Variants in AUTS2 observed in about 807,000 individuals in gnomAD.
The protein encoded by AUTS2 is activator of transcription and developmental regulator AUTS2, also known as autism susceptibility gene 2 protein.
AUTS2 carries 17 observed loss-of-function variants against 112.4 expected under a neutral mutation model. The ratio of observed to expected loss-of-function variants is 0.15; its 90% CI spans 0.10 to 0.23. The LOEUF (loss-of-function observed/expected upper bound fraction) is 0.23. Ranked by LOEUF, AUTS2 falls within the 10% of genes least tolerant of loss-of-function variation. The pLI is 1.00. For synonymous variants in AUTS2, 751 were observed against 702.7 expected (o/e 1.07, Z -1.09); for missense variants, 1,510 against 1,701.6 (o/e 0.89, Z 1.98).
In AUTS2 at chr7:70,049,552, A is replaced by G. The variant is rs1420453246; in HGVS notation, c.523-68580A>G. 2.0e-5 allele frequency among the ~76,000 whole-genome samples: 3 copies of G among 151,614 alleles called. No individual in the cohort carries two copies. In the East Asian group the frequency reaches 5.8e-4, roughly 29 times the overall value. On this transcript the variant is annotated intron_variant, in intron 2 of 18. Coordinates refer to ENST00000342771, the MANE Select transcript of AUTS2 (RefSeq NM_015570.4). ...ACTATGTTGGTCAGGCTGGTCTCAA[A>G]CTCCTGACCTGAAGTGATCCTCTTG...
At chr7:69,974,048 G>A (rs1055873268) in intron 2 of AUTS2, among the ~76,000 whole-genome samples, 16 of 151,870 alleles carry the variant, frequency 1.1e-4, no homozygotes, top group African/African-American at 3.6e-4. Flanking sequence ...AAACCCATCT[G>A]GGTCTGGAAA....
intron 5 of AUTS2, chr7:70,695,173 C>G (rs931411456): frequency 2.6e-5 from 4 of 152,452 alleles, no homozygotes. Flanking sequence ...GGGCTTCTCC[C>G]GTCTGGCGCG....
intron 5 of AUTS2, among the ~76,000 whole-genome samples, chr7:70,552,133 TA>T (rs1801040739): frequency 6.6e-6 from 1 of 152,160 alleles, no homozygotes; most frequent in South Asian, 2.1e-4. Context: ...CGTGTGTGTT[TA>T]AACAAGAGAA....
chr7:70,042,236 C>G (rs1801280693), intron 2 of AUTS2, among the ~76,000 whole-genome samples: 2 of 119,148 alleles, frequency 1.7e-5, no homozygotes, highest in Non-Finnish European at 3.2e-5. Context: ...CTTACTTGAA[C>G]AGCATTATTT....
chr7:69,612,959 A>G (rs921785425), intron 1 of AUTS2, among the ~76,000 whole-genome samples: 1 of 152,146 alleles, frequency 6.6e-6, no homozygotes, highest in African/African-American at 2.4e-5. Flanking sequence ...TTGAAGAGGG[A>G]GCTGCTATTT....
At position 70,786,683 on chromosome 7, in the gene AUTS2, A is replaced by G. The variant is rs114134849; in HGVS notation, c.2309-526A>G. On this transcript the variant is annotated intron_variant, in intron 17 of 18. Transcript: ENST00000342771. ...ATATATTCCGGGTACAGGAAGAGCT[A>G]AAACGTGTCTCTGAGCATACCGTCA... Among the ~76,000 whole-genome samples the G allele has an allele frequency of 3.0e-3, 452 of 152,282 alleles. 5 individuals are homozygous for G. The highest frequency in any genetic ancestry group is 0.011 in the African/African-American group (438 of 41,560).
At chr7:70,065,210 G>A (rs1319386259) in intron 2 of AUTS2, among the ~76,000 whole-genome samples, 1 of 151,900 alleles carries the variant, frequency 6.6e-6, no homozygotes, top group Non-Finnish European at 1.5e-5. Flanking sequence ...ATACATTTTG[G>A]TGATATATTA....
At chr7:70,657,452 G>T (rs968611261) in intron 5 of AUTS2, among the ~76,000 whole-genome samples, 1 of 152,150 alleles carries the variant, frequency 6.6e-6, no homozygotes, top group African/African-American at 2.4e-5. Context: ...AGCAAGGCAG[G>T]CCTGAAAAAC....
intron 6 of AUTS2, among the ~76,000 whole-genome samples, chr7:70,725,087 G>A (rs1292893990): frequency 6.6e-6 from 1 of 152,190 alleles, no homozygotes; most frequent in East Asian, 1.9e-4. Flanking sequence ...TTTATAATTT[G>A]TCTGCTTAAA....
chr7:70,571,617 C>T (rs1395437246), intron 5 of AUTS2, among the ~76,000 whole-genome samples: 2 of 152,228 alleles, frequency 1.3e-5, no homozygotes. Context: ...CTCACATTCT[C>T]AGCTTCCTGC....
intron 4 of AUTS2, among the ~76,000 whole-genome samples, chr7:70,267,784 G>A (rs551688499): frequency 6.6e-6 from 1 of 152,060 alleles, no homozygotes; most frequent in Non-Finnish European, 1.5e-5. Flanking sequence ...AAGGAGATTT[G>A]GCCATGTAAT....
chr7:70,697,390 A>G (rs1809175482), intron 5 of AUTS2, among the ~76,000 whole-genome samples: 1 of 152,212 alleles, frequency 6.6e-6, no homozygotes, highest in Non-Finnish European at 1.5e-5. Flanking sequence ...AACAGTCTTA[A>G]TACAAATATT....
intron 5 of AUTS2, among the ~76,000 whole-genome samples, chr7:70,545,693 T>A (rs952633751): frequency 5.3e-5 from 8 of 152,246 alleles, no homozygotes; most frequent in African/African-American, 1.9e-4. Flanking sequence ...TGGAAGGAGC[T>A]ACTCTCTTTT....
intron 5 of AUTS2, among the ~76,000 whole-genome samples, chr7:70,578,524 G>C (rs1563053487): frequency 6.6e-6 from 1 of 152,224 alleles, no homozygotes; most frequent in Non-Finnish European, 1.5e-5. Context: ...TCTTGCTGAA[G>C]TAATTATTTT....
At chr7:70,286,331 A>T (rs886773400) in intron 4 of AUTS2, among the ~76,000 whole-genome samples, 3 of 152,196 alleles carry the variant, frequency 2.0e-5, no homozygotes, top group African/African-American at 7.2e-5. Flanking sequence ...ACATAAATGG[A>T]TAGATTCTAA....
intron 6 of AUTS2, among the ~76,000 whole-genome samples, chr7:70,725,882 G>A (rs959155873): frequency 7.2e-5 from 11 of 152,066 alleles, no homozygotes; most frequent in African/African-American, 2.4e-4. Flanking sequence ...TGAGACCAGC[G>A]TGGGTGGTGG....
At chr7:70,515,668 C>A (rs1799385672) in intron 5 of AUTS2, among the ~76,000 whole-genome samples, 1 of 152,128 alleles carries the variant, frequency 6.6e-6, no homozygotes, top group Non-Finnish European at 1.5e-5. Context: ...TCCCTTCATG[C>A]CACCTTGTTT....
chr7:70,072,038 CT>C (rs1170354989), intron 2 of AUTS2, among the ~76,000 whole-genome samples: 2 of 152,188 alleles, frequency 1.3e-5, no homozygotes, highest in Non-Finnish European at 2.9e-5. Context: ...ACTTGGCGGC[CT>C]TTAACTCTTA....
At chr7:69,703,308 T>C (rs1049575678) in intron 1 of AUTS2, among the ~76,000 whole-genome samples, 1 of 152,154 alleles carries the variant, frequency 6.6e-6, no homozygotes, top group Non-Finnish European at 1.5e-5. Context: ...TGGGTTTACT[T>C]TATTGGCCTG....
Sources: gnomAD v4.1 joint callset for allele counts (sites outside exome capture counted in the v4.1 genomes callset) on GRCh38, gnomAD v4.1.1 for gene constraint, MANE v1.5 for transcripts, NCBI Gene and HGNC (gene_info 2026-07-23, HGNC 2026-07-21) for gene names.